The following CABIN1 variants were observed in gnomAD, a reference collection of about 807,000 sequenced individuals.
The protein encoded by CABIN1 is calcineurin-binding protein cabin-1.
A neutral mutation model predicts 227.7 loss-of-function variants in CABIN1; 133 were observed. The observed-to-expected ratio is 0.58, with a 90% CI of 0.51 to 0.67. CABIN1 has a LOEUF of 0.67. Ranked by LOEUF, CABIN1 falls within the 30% of genes least tolerant of loss-of-function variation. CABIN1 has a pLI of 0.00. For synonymous variants in CABIN1, 1,086 were observed against 1,155.1 expected (o/e 0.94, Z 1.21); for missense variants, 2,408 against 2,852.5 (o/e 0.84, Z 3.55).
intron 9 of CABIN1, 53 bp from the exon 10 acceptor site, chr22:24,056,139 A>G: frequency 1.3e-6 from 2 of 1,521,436 alleles, no homozygotes; most frequent in Non-Finnish European, 1.8e-6. Flanking sequence ...TGTGTGGTGC[A>G]TTTTTTTCAT....
intron 26 of CABIN1, among the ~76,000 whole-genome samples, chr22:24,106,635 C>T (rs1342739047): frequency 5.3e-5 from 8 of 152,284 alleles, no homozygotes; most frequent in Admixed American, 1.3e-4. Context: ...ACATGCTCTG[C>T]GATGTTCCTG....
intron 35 of CABIN1, 37 bp downstream of exon 35, chr22:24,176,312 A>C: frequency 6.4e-7 from 1 of 1,571,452 alleles, no homozygotes; most frequent in South Asian, 1.2e-5. Flanking sequence ...ACCAGCCCCC[A>C]GGAGGCTGCC....
intron 27 of CABIN1, among the ~76,000 whole-genome samples, chr22:24,114,993 C>G (rs903998280): frequency 6.6e-6 from 1 of 152,226 alleles, no homozygotes; most frequent in Admixed American, 6.5e-5. Context: ...CAGGCAGTCA[C>G]TATGCAGTCG....
At chr22:24,098,313 C>A (rs948579769) in intron 26 of CABIN1, 121 bp downstream of exon 26, 1 of 1,571,690 alleles carries the variant, frequency 6.4e-7, no homozygotes, top group Non-Finnish European at 8.6e-7. Context: ...TGGGGTGACA[C>A]GGGCAATGTT....
intron 29 of CABIN1, among the ~76,000 whole-genome samples, chr22:24,151,504 C>T (rs542918284): frequency 6.6e-6 from 1 of 152,232 alleles, no homozygotes; most frequent in African/African-American, 2.4e-5. Flanking sequence ...TTTCTAAGAT[C>T]CGGGCTCCCC....
At chr22:24,135,072 T>C (rs2044311638) in intron 29 of CABIN1, among the ~76,000 whole-genome samples, 1 of 139,764 alleles carries the variant, frequency 7.2e-6, no homozygotes, top group Admixed American at 7.3e-5. Flanking sequence ...AGCAAGACTC[T>C]GTCTCAAACA....
intron 26 of CABIN1, among the ~76,000 whole-genome samples, chr22:24,110,869 A>T (rs2042771234): frequency 1.3e-5 from 2 of 149,190 alleles, no homozygotes; most frequent in Admixed American, 6.6e-5. Flanking sequence ...CCTAGGTGTG[A>T]TTTTTTTTTT....
Position 24,176,114 on chromosome 22 carries a change from G to A in CABIN1, c.6044G>A (p.Gly2015Glu). ...CAGTGAGCCCATGTCCCCACAGAGG[G>A]AGAAGAGCTGGCGAGAGTGGCAGAG... is the stretch of plus-strand genomic sequence containing the variant. ...TPSMASLGPE[G>E]EELARVAEGT... The change falls in exon 35 of 37, where the codon GGA becomes GAA. Residue 2015 changes from glycine to glutamate, a missense_variant. Gly to Glu is a moderately conservative substitution (Grantham distance 98). Coordinates refer to ENST00000263119, the MANE Select transcript of CABIN1 (RefSeq NM_012295.4). The A allele has an allele frequency of 6.2e-7, 1 of 1,610,618 alleles. No homozygotes were observed. Among genetic ancestry groups the A allele is most frequent in the Non-Finnish European group, 8.5e-7 (1 of 1,178,998 alleles).
intron 10 of CABIN1, among the ~76,000 whole-genome samples, chr22:24,058,009 T>G (rs1020227822): frequency 3.9e-5 from 6 of 152,170 alleles, no homozygotes; most frequent in African/African-American, 1.4e-4. Context: ...TTGGTTTCGT[T>G]TGTGGTTTAG....
At chr22:24,138,791 G>GACA (rs1431727801) in intron 29 of CABIN1, among the ~76,000 whole-genome samples, 1 of 152,136 alleles carries the variant, frequency 6.6e-6, no homozygotes, top group East Asian at 1.9e-4. Flanking sequence ...TTGAAACATG[G>GACA]ACAACTATGT....
rs758446053 is a variant in CABIN1 at position 24,177,726 on chromosome 22, A to C, written c.6428A>C (p.Lys2143Thr). ...CTGGTCATCCCCTCCGCCGCCACCA[A>C]GTTCCCCCCTGAGATCACCGTCACG... ...PKLVIPSAATKFPPEITVTPP... is the reference protein window; with the variant it reads ...PKLVIPSAATTFPPEITVTPP... The change falls in exon 36 of 37, where the codon AAG becomes ACG. Residue 2143 changes from lysine (K) to threonine (T), a missense_variant. This residue lies in a region of CABIN1 where 714 missense variants were observed against 773.8 expected (regional missense o/e 0.92). Transcript: ENST00000263119. This position sits in a 1 kb window ranked among gnomAD's most constrained non-coding sequence, Gnocchi z 4.4. 7 of 1,612,772 alleles carry C rather than the reference A, an allele frequency of 4.3e-6. No individual in the cohort carries two copies. The highest frequency in any genetic ancestry group is 5.9e-6 in the Non-Finnish European group (7 of 1,179,106).
intron 6 of CABIN1, among the ~76,000 whole-genome samples, chr22:24,048,472 G>C (rs1182429498): frequency 6.6e-6 from 1 of 152,124 alleles, no homozygotes; most frequent in African/African-American, 2.4e-5. Context: ...CCAGGCTAGA[G>C]TACGGTGGTA....
At chr22:24,153,068 A>G (rs2045586764) in intron 29 of CABIN1, among the ~76,000 whole-genome samples, 1 of 152,218 alleles carries the variant, frequency 6.6e-6, no homozygotes, top group Admixed American at 6.5e-5. Flanking sequence ...CACCTTTGGC[A>G]GCAGCCTAGC....
chr22:24,050,772 C>G, intron 7 of CABIN1, 53 bp from the exon 8 acceptor site: 4 of 1,607,680 alleles, frequency 2.5e-6, no homozygotes, highest in Non-Finnish European at 3.4e-6. Context: ...AAAATTTCAG[C>G]CTCAGTTTTA....
chr22:24,159,113 C>T (rs1426363267), intron 29 of CABIN1, among the ~76,000 whole-genome samples: 1 of 152,230 alleles, frequency 6.6e-6, no homozygotes, highest in Non-Finnish European at 1.5e-5. Context: ...TTCATCTTGG[C>T]TCACAGATCT....
Position 24,113,683 on chromosome 22 carries a change from T to G in CABIN1, c.4235T>G (p.Leu1412Arg), listed in dbSNP as rs915546975. The G allele has an allele frequency of 6.2e-7, 1 of 1,613,968 alleles. No individual in the cohort carries two copies. The highest frequency in any genetic ancestry group is 2.2e-5 in the East Asian group (1 of 44,896). Residue 1412 changes from leucine to arginine, a missense_variant, in exon 27 of 37, where the codon CTG becomes CGG. Physicochemically the swap from Leu to Arg is moderately radical, Grantham distance 102. Around this residue, in one of 3 missense-constraint regions of CABIN1, gnomAD observed 649 missense variants for 910.3 expected, o/e 0.71. Coordinates refer to ENST00000263119, the MANE Select transcript of CABIN1 (RefSeq NM_012295.4). ...AGGAAATCCTACACAGAGAAGAGGC[T>G]GCCCATTCTCAGTTCCCAAGCAGGA... ...GSRKSYTEKR[L>R]PILSSQAGAT...
chr22:24,148,911 C>T (rs1569284425), intron 29 of CABIN1, among the ~76,000 whole-genome samples: 1 of 152,238 alleles, frequency 6.6e-6, no homozygotes, highest in Admixed American at 6.5e-5. Context: ...AGTGGCCAGC[C>T]TCCTTTCTGG....
At chr22:24,117,287 C>T (rs749909824) in intron 27 of CABIN1, among the ~76,000 whole-genome samples, 1 of 152,206 alleles carries the variant, frequency 6.6e-6, no homozygotes, top group Non-Finnish European at 1.5e-5. Flanking sequence ...ACTATAGCCT[C>T]AACCTCCTGA....
intron 28 of CABIN1, among the ~76,000 whole-genome samples, chr22:24,127,594 C>T (rs2043813051): frequency 6.6e-6 from 1 of 152,142 alleles, no homozygotes; most frequent in Non-Finnish European, 1.5e-5. Context: ...AAGGCAAATA[C>T]TGAATGATTC....
Sources: gnomAD v4.1 joint callset for allele counts (sites outside exome capture counted in the v4.1 genomes callset) on GRCh38, gnomAD v4.1.1 for gene constraint, gnomAD v4.1.1 regional missense constraint, Gnocchi (gnomAD v3.1) non-coding constraint, MANE v1.5 for transcripts, NCBI Gene and HGNC (gene_info 2026-07-23, HGNC 2026-07-21) for gene names.